Variants in IMMP2L observed in about 807,000 individuals in gnomAD.
The protein encoded by IMMP2L is mitochondrial inner membrane protease subunit 2.
Under a neutral mutation model 19.3 loss-of-function variants are expected in IMMP2L, and 18 were observed. The observed-to-expected ratio is 0.93, with a 90% CI of 0.64 to 1.38. The LOEUF (loss-of-function observed/expected upper bound fraction) is 1.38. IMMP2L is among the 40% of genes most tolerant of loss of function. IMMP2L has a pLI of 0.00. For synonymous variants in IMMP2L, 76 were observed against 73.0 expected (o/e 1.04, Z -0.21); for missense variants, 233 against 218.2 (o/e 1.07, Z -0.43).
At chr7:110,983,970 C>A (rs967929524) in intron 3 of IMMP2L, among the ~76,000 whole-genome samples, 2 of 152,022 alleles carry the variant, frequency 1.3e-5, no homozygotes, top group African/African-American at 4.8e-5. Context: ...ATAGCCCTAT[C>A]TCAGCCAGTC....
intron 2 of IMMP2L, among the ~76,000 whole-genome samples, chr7:111,499,910 A>G (rs765867718): frequency 6.6e-6 from 1 of 152,046 alleles, no homozygotes; most frequent in Non-Finnish European, 1.5e-5. Flanking sequence ...CTGCATTTCC[A>G]TCTGAGGTAC....
chr7:111,523,052 AT>A, intron 1 of IMMP2L, among the ~76,000 whole-genome samples: 1 of 151,994 alleles, frequency 6.6e-6, no homozygotes, highest in South Asian at 2.1e-4. Flanking sequence ...ACGACCACTC[AT>A]ATATAGAATC....
At chr7:111,395,064 T>C (rs1054544263) in intron 3 of IMMP2L, 1 of 204,966 alleles carries the variant, frequency 4.9e-6, no homozygotes, top group Admixed American at 5.0e-5. Flanking sequence ...TAATGTCTTG[T>C]ACCATTCATG....
At chr7:111,430,884 A>T (rs556980921) in intron 3 of IMMP2L, among the ~76,000 whole-genome samples, 1 of 151,846 alleles carries the variant, frequency 6.6e-6, no homozygotes, top group Non-Finnish European at 1.5e-5. Flanking sequence ...AGGGAGGTGG[A>T]TCACTTGAGG....
intron 4 of IMMP2L, among the ~76,000 whole-genome samples, chr7:110,949,981 GAAAA>G (rs1817630446): frequency 6.6e-6 from 1 of 151,604 alleles, no homozygotes; most frequent in Non-Finnish European, 1.5e-5. Context: ...AATAATGAGG[GAAAA>G]AAGTGTTTTT....
At chr7:111,140,714 T>A (rs1390473766) in intron 3 of IMMP2L, among the ~76,000 whole-genome samples, 1 of 152,206 alleles carries the variant, frequency 6.6e-6, no homozygotes, top group African/African-American at 2.4e-5. Context: ...TATTTCCATC[T>A]GCCCCAACCA....
At chr7:111,062,181 G>A (rs536149731) in intron 3 of IMMP2L, among the ~76,000 whole-genome samples, 1 of 152,168 alleles carries the variant, frequency 6.6e-6, no homozygotes, top group Non-Finnish European at 1.5e-5. Context: ...GAATTTATTG[G>A]ACTCACAGTT....
chr7:111,186,132 A>T (rs2129612000), intron 3 of IMMP2L, among the ~76,000 whole-genome samples: 1 of 152,284 alleles, frequency 6.6e-6, no homozygotes, highest in East Asian at 1.9e-4. Flanking sequence ...ATTTTATTTT[A>T]TGCATCTAAA....
intron 3 of IMMP2L, among the ~76,000 whole-genome samples, chr7:111,120,313 C>A (rs367849639): frequency 6.6e-6 from 1 of 152,082 alleles, no homozygotes; most frequent in African/African-American, 2.4e-5. Context: ...AAAGGCCTCA[C>A]AATCATGGCA....
At chr7:111,374,300 G>A (rs1413939405) in intron 3 of IMMP2L, among the ~76,000 whole-genome samples, 1 of 151,942 alleles carries the variant, frequency 6.6e-6, no homozygotes, top group Non-Finnish European at 1.5e-5. Context: ...ATCTTTCCTA[G>A]TACTGATCAT....
chr7:111,133,971 C>A (rs1170127348), intron 3 of IMMP2L, among the ~76,000 whole-genome samples: 1 of 151,958 alleles, frequency 6.6e-6, no homozygotes, highest in Non-Finnish European at 1.5e-5. Flanking sequence ...AAATGTCACT[C>A]CAGCTTTCTA....
At chr7:110,668,962 G>A (rs1208508638) in intron 5 of IMMP2L, among the ~76,000 whole-genome samples, 4 of 150,250 alleles carry the variant, frequency 2.7e-5, no homozygotes, top group Non-Finnish European at 5.9e-5. Context: ...TTATCCTTCA[G>A]GTACAGTTTT....
At chr7:110,706,988 T>A (rs10256976) in intron 5 of IMMP2L, among the ~76,000 whole-genome samples, 771 of 45,674 alleles carry the variant, frequency 0.017, 9 homozygotes, top group African/African-American at 0.05. Context: ...GTGTTACACT[T>A]AAATTTTTTT....
chr7:111,124,202 C>T (rs920563075), intron 3 of IMMP2L: 23 of 1,613,776 alleles, frequency 1.4e-5, no homozygotes, highest in Non-Finnish European at 1.9e-5. Flanking sequence ...TATGTCCATT[C>T]TGAGGGAACA....
intron 3 of IMMP2L, chr7:111,411,255 G>A: frequency 5.3e-6 from 1 of 188,310 alleles, no homozygotes; most frequent in Non-Finnish European, 1.1e-5. Context: ...AAAACTGTGA[G>A]ACTAAAAATC....
At chr7:111,539,683 G>T (rs1413816434) in intron 1 of IMMP2L, among the ~76,000 whole-genome samples, 1 of 151,174 alleles carries the variant, frequency 6.6e-6, no homozygotes, top group Admixed American at 6.6e-5. Context: ...TTGAAGAAGG[G>T]TTCACTACAT....
At position 111,224,147 on chromosome 7, in the gene IMMP2L, G is replaced by A. The variant is rs145344757; in HGVS notation, c.240-260582C>T. Among the ~76,000 whole-genome samples the A allele has an allele frequency of 1.3e-3, 200 of 152,110 alleles. 1 individual carries two copies. The highest frequency in any genetic ancestry group is 4.7e-3 in the African/African-American group (194 of 41,508). On this transcript the variant is annotated intron_variant, in intron 3 of 5. Coordinates refer to ENST00000405709, the MANE Select transcript of IMMP2L (RefSeq NM_032549.4). ...CTCGTGGAGATAATGACACTGCCCT[G>A]CAAATCTCACAGGACTGGTGTGATG...
At chr7:110,724,204 AT>A (rs1795751451) in intron 5 of IMMP2L, 1 of 152,240 alleles carries the variant, frequency 6.6e-6, no homozygotes, top group South Asian at 2.1e-4. Flanking sequence ...ATTTATAAGT[AT>A]AAAACAGATT....
chr7:111,018,117 A>C (rs746628345), intron 3 of IMMP2L, among the ~76,000 whole-genome samples: 4 of 152,104 alleles, frequency 2.6e-5, no homozygotes, highest in Non-Finnish European at 5.9e-5. Flanking sequence ...TCATTATTCT[A>C]CTATTATTTG....
Sources: gnomAD v4.1 joint callset for allele counts (sites outside exome capture counted in the v4.1 genomes callset) on GRCh38, gnomAD v4.1.1 for gene constraint, MANE v1.5 for transcripts, NCBI Gene and HGNC (gene_info 2026-07-23, HGNC 2026-07-21) for gene names.